The following HDAC4 variants were observed in gnomAD, a reference collection of about 807,000 sequenced individuals.
HDAC4 encodes the protein histone deacetylase 4.
In HDAC4, 16 loss-of-function variants were observed where a neutral mutation model predicts 135.1. The observed-to-expected ratio is 0.12, with a 90% confidence interval of 0.08 to 0.18. HDAC4 has a LOEUF of 0.18. HDAC4 is among the 10% of genes least tolerant of loss of function. The pLI, the probability that HDAC4 is intolerant of heterozygous loss-of-function variation, is 1.00. For synonymous variants in HDAC4, 685 were observed against 653.4 expected (o/e 1.05, Z -0.74); for missense variants, 1,143 against 1,511.8 (o/e 0.76, Z 4.05).
chr2:239,230,368 C>CAAAAAAAAAAAAAAAAAAAAAAAAGAAA (rs56105562), intron 3 of HDAC4, among the ~76,000 whole-genome samples: 1 of 79,394 alleles, frequency 1.3e-5, no homozygotes, highest in African/African-American at 5.2e-5. Flanking sequence ...AGCAAGCAAG[C>CAAAAAAAAAAAAAAAAAAAAAAAAGAAA]AAAAAAAAAA....
chr2:239,338,292 C>T (rs540827267), intron 2 of HDAC4, among the ~76,000 whole-genome samples: 2 of 152,308 alleles, frequency 1.3e-5, no homozygotes, highest in African/African-American at 4.8e-5. Context: ...CTATCCACCA[C>T]GTCCCTCACC....
intron 6 of HDAC4, among the ~76,000 whole-genome samples, chr2:239,158,694 G>T (rs1039408956): frequency 1.3e-5 from 2 of 152,100 alleles, no homozygotes; most frequent in Middle Eastern, 3.4e-3. Flanking sequence ...TCACCGCCAG[G>T]AGCACACCAT....
chr2:239,180,394 C>T (rs2044070548), intron 4 of HDAC4, among the ~76,000 whole-genome samples: 4 of 151,504 alleles, frequency 2.6e-5, no homozygotes, highest in Admixed American at 6.6e-5. Context: ...AGGACTCAGC[C>T]GGTTTCCACG....
In HDAC4 at chr2:239,306,614, C is replaced by A. The variant is rs1488745352; in HGVS notation, c.22+46064G>T. ...TCACCTAAACAAGGTCAAACACAGGCACTACATCAGGCACCCCATGTTCCC... is the reference window on the plus strand; with the variant it reads ...TCACCTAAACAAGGTCAAACACAGGAACTACATCAGGCACCCCATGTTCCC... On this transcript the variant is annotated intron_variant, in intron 2 of 26. Transcript: ENST00000543185. The surrounding 1 kb of genome is among the most constrained non-coding windows in gnomAD (Gnocchi z 4.5). 6.6e-6 allele frequency among the ~76,000 whole-genome samples: 1 copy of A among 152,126 alleles called. No individual in the cohort carries two copies. The highest frequency in any genetic ancestry group is 1.5e-5 in the Non-Finnish European group (1 of 68,020).
intron 2 of HDAC4, among the ~76,000 whole-genome samples, chr2:239,295,089 C>T (rs548574644): frequency 5.9e-5 from 9 of 151,956 alleles, no homozygotes; most frequent in East Asian, 3.9e-4. Context: ...GGGCGGATCA[C>T]GAGGTCAGGA....
At chr2:239,060,294 G>GT (rs2032490387) in intron 24 of HDAC4, among the ~76,000 whole-genome samples, 1 of 152,218 alleles carries the variant, frequency 6.6e-6, no homozygotes, top group Non-Finnish European at 1.5e-5. Flanking sequence ...GTGTGTGGGT[G>GT]TTGTCTCCCT....
intron 2 of HDAC4, among the ~76,000 whole-genome samples, chr2:239,295,119 A>G (rs895071930): frequency 3.3e-5 from 5 of 151,852 alleles, no homozygotes; most frequent in South Asian, 2.1e-4. Flanking sequence ...CATCCCGGCT[A>G]TAACGGTGAA....
At chr2:239,207,149 T>A (rs966098414) in intron 3 of HDAC4, among the ~76,000 whole-genome samples, 9 of 151,702 alleles carry the variant, frequency 5.9e-5, no homozygotes, top group African/African-American at 1.5e-4. Flanking sequence ...AAAAAAAAAA[T>A]TTCTAAATAT....
At position 239,053,128 on chromosome 2, in the gene HDAC4, T is replaced by C; in HGVS notation, c.3239A>G (p.Glu1080Gly). The C allele has an allele frequency of 6.2e-7, 1 of 1,614,190 alleles. No individual in the cohort carries two copies. Among genetic ancestry groups the C allele is most frequent in the South Asian group, 1.1e-5 (1 of 91,086 alleles). Residue 1080 changes from glutamate (E) to glycine (G), a missense_variant, in exon 27 of 27, where the codon GAG becomes GGG. Coordinates refer to ENST00000543185, the MANE Select transcript of HDAC4 (RefSeq NM_001378414.1). ...GVKPAEKRPD[E>G]EPMEEEPPL ...GGGCGGCTCCTCTTCCATGGGCTCC[T>C]CATCTGGTCTGTGGATCCCGCAAGA...
chr2:239,337,698 A>T (rs1272281836), intron 2 of HDAC4, among the ~76,000 whole-genome samples: 2 of 152,058 alleles, frequency 1.3e-5, no homozygotes, highest in African/African-American at 2.4e-5. Context: ...CTGCTCCCAA[A>T]CATACGGCGA....
At chr2:239,322,018 C>T (rs947492485) in intron 2 of HDAC4, among the ~76,000 whole-genome samples, 3 of 152,230 alleles carry the variant, frequency 2.0e-5, no homozygotes, top group African/African-American at 7.2e-5. Flanking sequence ...GAGCAAGCTC[C>T]AGAGCAAGCT....
intron 17 of HDAC4, among the ~76,000 whole-genome samples, chr2:239,093,376 C>T (rs190775555): frequency 3.9e-5 from 6 of 152,160 alleles, no homozygotes; most frequent in African/African-American, 1.4e-4. Context: ...CCGAGGTCTA[C>T]TTTGCTCCTC....
chr2:239,098,725 G>A (rs1458158723), intron 16 of HDAC4, among the ~76,000 whole-genome samples: 1 of 152,186 alleles, frequency 6.6e-6, no homozygotes, highest in Admixed American at 6.5e-5. Flanking sequence ...AAATCACACA[G>A]TAGTGTTTAA....
chr2:239,302,155 C>T (rs1260954369), intron 2 of HDAC4, among the ~76,000 whole-genome samples: 2 of 152,158 alleles, frequency 1.3e-5, no homozygotes, highest in African/African-American at 2.4e-5. Context: ...GAACAGAAAA[C>T]CTAACTCCTG....
intron 2 of HDAC4, among the ~76,000 whole-genome samples, chr2:239,280,677 G>C (rs761653083): frequency 8.5e-5 from 13 of 152,128 alleles, no homozygotes; most frequent in Non-Finnish European, 1.9e-4. Flanking sequence ...CAACATCCTG[G>C]AACTGTCTGC....
chr2:239,159,780 AC>A (rs1315105864), intron 6 of HDAC4, among the ~76,000 whole-genome samples: 1 of 152,170 alleles, frequency 6.6e-6, no homozygotes, highest in Non-Finnish European at 1.5e-5. Flanking sequence ...CCTCTACCTC[AC>A]CTGACCATAA....
intron 1 of HDAC4, among the ~76,000 whole-genome samples, chr2:239,383,240 C>T (rs898098342): frequency 6.6e-6 from 1 of 152,208 alleles, no homozygotes; most frequent in East Asian, 1.9e-4. Context: ...GGGAATCCTC[C>T]ACCATGATGC....
chr2:239,242,072 G>T (rs1239189502), intron 2 of HDAC4, among the ~76,000 whole-genome samples: 2 of 136,082 alleles, frequency 1.5e-5, no homozygotes, highest in East Asian at 4.1e-4. Flanking sequence ...GAAAAAGAAA[G>T]AAAGAGAAGG....
chr2:239,065,125 G>C (rs903239089), intron 24 of HDAC4, among the ~76,000 whole-genome samples: 1 of 152,202 alleles, frequency 6.6e-6, no homozygotes, highest in African/African-American at 2.4e-5. Flanking sequence ...TCCATCGGGG[G>C]AGGCTTGCAC....
Sources: gnomAD v4.1 joint callset for allele counts (sites outside exome capture counted in the v4.1 genomes callset) on GRCh38, gnomAD v4.1.1 for gene constraint, Gnocchi (gnomAD v3.1) non-coding constraint, MANE v1.5 for transcripts, NCBI Gene and HGNC (gene_info 2026-07-23, HGNC 2026-07-21) for gene names.